The following LZTS2 variants were observed in gnomAD, a reference collection of about 807,000 sequenced individuals.
LZTS2 encodes the protein leucine zipper tumor suppressor 2, also known as leucine zipper putative tumor suppressor 2.
Under a neutral mutation model 60.6 loss-of-function variants are expected in LZTS2, and 32 were observed. The observed-to-expected ratio is 0.53, with a 90% CI of 0.40 to 0.71. The LOEUF (loss-of-function observed/expected upper bound fraction) is 0.71. Among genes scored for constraint, LZTS2 ranks in the 30% least tolerant of loss-of-function variants. The probability of loss-of-function intolerance (pLI) is 0.00; values close to 1 mark genes in which losing one functional copy is unlikely to be tolerated. For synonymous variants in LZTS2, 360 were observed against 393.1 expected, an observed-to-expected ratio of 0.92 and a Z score of 1.00; for missense variants, 792 against 901.9, an observed-to-expected ratio of 0.88 and a Z score of 1.56.
chr10:101,005,363 C>T (rs1184786846), intron 2 of LZTS2, 95 bp from the exon 4 acceptor site: 4 of 1,380,812 alleles, frequency 2.9e-6, no homozygotes, highest in African/African-American at 1.4e-5. Flanking sequence ...TGGAATCCAC[C>T]CTTCCTGAGC....
chr10:101,006,936 G>T (rs900315360), exon 4 of LZTS2: 1 of 1,539,098 alleles, frequency 6.5e-7, no homozygotes, highest in South Asian at 1.2e-5. Flanking sequence ...GAGGAGCAGC[G>T]GGACAGCTTT....
chr10:101,002,753 C>A, exon 1 of LZTS2: 1 of 1,613,286 alleles, frequency 6.2e-7, no homozygotes, highest in Non-Finnish European at 8.5e-7. Flanking sequence ...GCACAGGAGC[C>A]GCTGTGCCCA....
At chr10:101,007,755 T>G (rs1167377760) in exon 4 of LZTS2, 1 of 621,862 alleles carries the variant, frequency 1.6e-6, no homozygotes, top group Non-Finnish European at 2.0e-6. Context: ...GGCCTCGTTT[T>G]CACTTGTATA....
At chr10:101,005,525 A>G (rs201828855) in exon 3 of LZTS2, 40 of 1,605,332 alleles carry the variant, frequency 2.5e-5, no homozygotes, top group Admixed American at 5.0e-5. Flanking sequence ...TGTGCGGCCC[A>G]GGCACAGCGG....
At chr10:101,002,377 G>A in exon 1 of LZTS2, 2 of 575,986 alleles carry the variant, frequency 3.5e-6, no homozygotes, top group Non-Finnish European at 5.6e-6. Flanking sequence ...AGCACTTGAA[G>A]GGGGAGTCTT....
intron 1 of LZTS2, 47 bp downstream of exon 2, chr10:101,002,993 C>A: frequency 6.5e-7 from 1 of 1,539,424 alleles, no homozygotes. Flanking sequence ...CGGGAGTCCT[C>A]GCTTGGGAAA....
At chr10:100,999,492 C>G (rs1296671183) in exon 1 of LZTS2, 1 of 152,446 alleles carries the variant, frequency 6.6e-6, no homozygotes. Context: ...GCCGCCGCGC[C>G]GTGGCCCTTT....
upstream of LZTS2, chr10:100,999,354 G>T (rs1851978075): frequency 6.6e-6 from 1 of 152,284 alleles, no homozygotes. Context: ...CTCCTACTCG[G>T]GCTAGGGCGC....
At chr10:101,006,420 G>A in intron 3 of LZTS2, 65 bp from the exon 5 acceptor site, 8 of 1,523,444 alleles carry the variant, frequency 5.3e-6, no homozygotes, top group African/African-American at 1.4e-5. Flanking sequence ...CCAGCATGAT[G>A]TGCAGGGCCT....
chr10:101,003,458 T>A (rs1311361638), intron 1 of LZTS2, 49 bp from the exon 3 acceptor site: 3 of 1,506,222 alleles, frequency 2.0e-6, no homozygotes, highest in East Asian at 4.6e-5. Flanking sequence ...ATAAGGGCTC[T>A]GCAAGATTGG....
chr10:101,002,525 G>T, exon 1 of LZTS2: 1 of 1,509,150 alleles, frequency 6.6e-7, no homozygotes, highest in South Asian at 1.4e-5. Flanking sequence ...GGCCAGGCCT[G>T]AGCCTCTGCC....
exon 4 of LZTS2, chr10:101,006,496 A>G (rs865891025): frequency 7.5e-6 from 12 of 1,609,176 alleles, no homozygotes; most frequent in Middle Eastern, 2.2e-4. Context: ...TGTGCCAGAA[A>G]TCAGGCGAGA....
intron 3 of LZTS2, 141 bp from the exon 5 acceptor site, chr10:101,006,344 C>A (rs1361248227): frequency 7.1e-7 from 1 of 1,412,860 alleles, no homozygotes; most frequent in Admixed American, 2.8e-5. Flanking sequence ...GGACATGTCA[C>A]TAGACTTGCT....
exon 2 of LZTS2, chr10:101,003,845 C>T (rs1852103755): frequency 1.2e-6 from 2 of 1,613,284 alleles, no homozygotes; most frequent in Non-Finnish European, 1.7e-6. Flanking sequence ...ACCTGCCTTC[C>T]CATGGCTCTG....
At chr10:101,003,511 T>C (rs1852091461) in exon 2 of LZTS2, 4 of 1,515,456 alleles carry the variant, frequency 2.6e-6, no homozygotes, top group African/African-American at 1.4e-5. Context: ...TTTCAGAACA[T>C]GGAGAAGATC....
intron 3 of LZTS2, 21 bp downstream of exon 4, chr10:101,005,736 C>G (rs1302938304): frequency 6.5e-7 from 1 of 1,531,624 alleles, no homozygotes; most frequent in Middle Eastern, 2.1e-4. Context: ...CCAGGAGGGG[C>G]AGGGAGCAGG....
chr10:101,007,037 C>A, exon 4 of LZTS2: 2 of 1,591,768 alleles, frequency 1.3e-6, no homozygotes. Flanking sequence ...GATGTACCGG[C>A]GCAACCGGCA....
chr10:101,007,185 C>G, exon 4 of LZTS2: 1 of 1,538,048 alleles, frequency 6.5e-7, no homozygotes, highest in Non-Finnish European at 8.7e-7. Context: ...CAGCAACCAG[C>G]TCTGTAGGGA....
chr10:101,004,237 T>A (rs1436118069), intron 2 of LZTS2, 71 bp downstream of exon 3: 4 of 1,502,288 alleles, frequency 2.7e-6, no homozygotes, highest in African/African-American at 2.8e-5. Flanking sequence ...CAAGCGGCAT[T>A]TCCATTTTGG....
Sources: allele counts gnomAD v4.1 joint callset, GRCh38; gene constraint gnomAD v4.1.1; transcripts MANE v1.5; gene names NCBI Gene and HGNC (gene_info 2026-07-23, HGNC 2026-07-21).